BAZ1B: variants seen among roughly 807,000 people sequenced by gnomAD.
The protein encoded by BAZ1B is tyrosine-protein kinase BAZ1B.
In BAZ1B, 22 loss-of-function variants were observed where a neutral mutation model predicts 153.8. The ratio of observed to expected loss-of-function variants is 0.14; its 90% CI spans 0.10 to 0.20. The LOEUF is 0.20. Ranked by LOEUF, BAZ1B falls within the 10% of genes least tolerant of loss-of-function variation. The pLI is 1.00. For synonymous variants in BAZ1B, 676 were observed against 633.4 expected, an observed-to-expected ratio of 1.07 and a Z score of -1.01; for missense variants, 1,325 against 1,799.3, an observed-to-expected ratio of 0.74 and a Z score of 4.77.
chr7:73,492,537 T>G (rs550315035), intron 5 of BAZ1B, among the ~76,000 whole-genome samples: 1 of 152,322 alleles, frequency 6.6e-6, no homozygotes, highest in South Asian at 2.1e-4. Flanking sequence ...TTCTTAATTT[T>G]CAAACTGAAT....
At chr7:73,508,053 G>A (rs1214199705) in intron 3 of BAZ1B, among the ~76,000 whole-genome samples, 1 of 152,106 alleles carries the variant, frequency 6.6e-6, no homozygotes, top group Non-Finnish European at 1.5e-5. Context: ...CTACTCAGAA[G>A]GCTGAGGTGG....
intron 6 of BAZ1B, among the ~76,000 whole-genome samples, chr7:73,485,167 C>T (rs1377144807): frequency 6.6e-6 from 1 of 152,020 alleles, no homozygotes; most frequent in African/African-American, 2.4e-5. Context: ...CTCCTGGACT[C>T]AAGTGATCCT....
chr7:73,446,976 C>T (rs1787861152), intron 16 of BAZ1B, among the ~76,000 whole-genome samples: 1 of 152,252 alleles, frequency 6.6e-6, no homozygotes, highest in African/African-American at 2.4e-5. Context: ...AGCTGAGAAT[C>T]AGCAGCCTTG....
chr7:73,473,863 G>A (rs1161368613), intron 7 of BAZ1B, among the ~76,000 whole-genome samples: 1 of 152,148 alleles, frequency 6.6e-6, no homozygotes, highest in African/African-American at 2.4e-5. Context: ...TGCTCGGGAG[G>A]CCGAAGTGGG....
chr7:73,516,951 C>A lies in BAZ1B; in HGVS notation c.107+4876G>T, dbSNP rs561914704. On this transcript the variant is annotated intron_variant, in intron 1 of 19. Transcript: ENST00000339594. ...ATCCCAGCACTTTGGGAGGCTGAGGCCGGTGGATCAACTTGAGGTCAGGAG... is the reference window on the plus strand; with the variant it reads ...ATCCCAGCACTTTGGGAGGCTGAGGACGGTGGATCAACTTGAGGTCAGGAG... 7.9e-5 allele frequency among the ~76,000 whole-genome samples: 12 copies of A among 151,852 alleles called. No individual in the cohort carries two copies. In the East Asian group the frequency reaches 2.3e-3, roughly 30 times the overall value.
intron 17 of BAZ1B, among the ~76,000 whole-genome samples, chr7:73,443,212 A>G (rs932741510): frequency 6.6e-6 from 1 of 152,250 alleles, no homozygotes; most frequent in Non-Finnish European, 1.5e-5. Flanking sequence ...GCCACTGCAG[A>G]AAGCAAAACA....
At chr7:73,483,544 C>T (rs967603875) in intron 6 of BAZ1B, among the ~76,000 whole-genome samples, 1 of 152,102 alleles carries the variant, frequency 6.6e-6, no homozygotes. Context: ...AATAATATAA[C>T]TTACTTTTCA....
intron 6 of BAZ1B, among the ~76,000 whole-genome samples, chr7:73,485,084 G>C (rs1173453142): frequency 1.3e-5 from 2 of 152,044 alleles, no homozygotes; most frequent in East Asian, 3.9e-4. Context: ...AGTTACGTTG[G>C]AAAATATCCT....
chr7:73,497,824 TTTGCTC>T (rs1268409722), intron 4 of BAZ1B, among the ~76,000 whole-genome samples: 1 of 152,174 alleles, frequency 6.6e-6, no homozygotes, highest in Non-Finnish European at 1.5e-5. Flanking sequence ...AGGGTTAGAA[TTTGCTC>T]TTCCTACCTT....
At chr7:73,444,803 T>C (rs1554566038) in intron 16 of BAZ1B, among the ~76,000 whole-genome samples, 116 of 151,822 alleles carry the variant, frequency 7.6e-4, no homozygotes, top group African/African-American at 2.7e-3. Flanking sequence ...TCACCTGAGG[T>C]CGGGAGTTCA....
chr7:73,498,544 T>G lies in BAZ1B; in HGVS notation c.524A>C (p.Lys175Thr). Residue 175 changes from lysine (K) to threonine (T), a missense_variant, in exon 4 of 20, where the codon AAG becomes ACG. By Grantham distance (78) the Lys-to-Thr change is moderately conservative. Transcript: ENST00000339594. ...ATCCTCTTTCACAACTGTCTCCTTC[T>G]TCTGATGGTCCTGAGCAATCTGACT... ...NSSQIAQDHQ[K>T]KETVVKEDEG... The G allele has an allele frequency of 6.2e-7, 1 of 1,614,128 alleles. No individual in the cohort carries two copies. Among genetic ancestry groups the G allele is most frequent in the Non-Finnish European group, 8.5e-7 (1 of 1,180,006 alleles).
At chr7:73,443,880 AG>A (rs1554565669) in intron 17 of BAZ1B, 103 bp downstream of exon 17, 13 of 1,546,568 alleles carry the variant, frequency 8.4e-6, no homozygotes, top group Middle Eastern at 2.0e-4. Flanking sequence ...AAGAAGGAGG[AG>A]GGGGGAGGCT....
rs1276983280 is a variant in BAZ1B at position 73,470,559 on chromosome 7, G to A, written c.2594-76C>T. The A allele has an allele frequency of 5.9e-6, 9 of 1,528,482 alleles. No individual in the cohort carries two copies. The African/African-American group carries it at 1.1e-4, about 19-fold the overall frequency. 94.7% of individuals were successfully genotyped at this position (1,528,482 alleles called of 1,614,324 possible). A position where few individuals can be genotyped will look rare whatever the true frequency, so the allele number is the denominator to read the frequency against. ...TCTTACAAATTAAATAAAATATGGAGTAAAAAGTGCCTAGTATACAGTAGT... is the reference window on the plus strand; with the variant it reads ...TCTTACAAATTAAATAAAATATGGAATAAAAAGTGCCTAGTATACAGTAGT... On this transcript the variant is annotated intron_variant, in intron 7 of 19. Transcript: ENST00000339594.
chr7:73,443,111 C>A (rs924609090), intron 17 of BAZ1B, among the ~76,000 whole-genome samples: 1 of 152,148 alleles, frequency 6.6e-6, no homozygotes, highest in South Asian at 2.1e-4. Context: ...TGCTGGAGGT[C>A]GGCTGAAGGG....
At chr7:73,507,363 C>G (rs1314276368) in intron 3 of BAZ1B, 1 of 152,064 alleles carries the variant, frequency 6.6e-6, no homozygotes, top group Non-Finnish European at 1.5e-5. Flanking sequence ...GCTGGGGCAA[C>G]ATGGTGAAAT....
At chr7:73,502,822 G>A (rs1790189159) in intron 3 of BAZ1B, among the ~76,000 whole-genome samples, 1 of 152,062 alleles carries the variant, frequency 6.6e-6, no homozygotes, top group Non-Finnish European at 1.5e-5. Flanking sequence ...CTCCCAGTAA[G>A]CCTACGCACA....
At chr7:73,444,652 C>A (rs889960794) in intron 16 of BAZ1B, among the ~76,000 whole-genome samples, 2 of 152,214 alleles carry the variant, frequency 1.3e-5, no homozygotes, top group African/African-American at 4.8e-5. Flanking sequence ...GGCCACAAGG[C>A]TCCTCATTAA....
chr7:73,477,239 G>T lies in BAZ1B; in HGVS notation c.2222C>A (p.Thr741Lys). Residue 741 changes from threonine to lysine, a missense_variant, in exon 7 of 20, where the codon ACG becomes AAG. By Grantham distance (78) the Thr-to-Lys change is moderately conservative (BLOSUM62 -1). Coordinates refer to ENST00000339594, the MANE Select transcript of BAZ1B (RefSeq NM_032408.4). The surrounding 1 kb of genome is among the most constrained non-coding windows in gnomAD (Gnocchi z 5.6). The stretch of plus-strand genomic sequence containing the variant: ...CAAGATCTGTAGCTTCTCCTCTGAC[G>T]TCAGCTCAAAAAATTCAGAGGTCTC... ...KLETSEFFEL[T>K]SEEKLQILTA... The T allele has an allele frequency of 6.2e-7, 1 of 1,614,194 alleles. No homozygotes were observed. The highest frequency in any genetic ancestry group is 8.5e-7 in the Non-Finnish European group (1 of 1,180,044).
intron 16 of BAZ1B, among the ~76,000 whole-genome samples, chr7:73,444,946 G>T (rs1421702701): frequency 2.6e-5 from 4 of 152,010 alleles, no homozygotes; most frequent in Non-Finnish European, 2.9e-5. Context: ...CCTGGGAGGC[G>T]GAGGTTGCAG....
Sources: allele counts gnomAD v4.1 joint callset (sites outside exome capture counted in the v4.1 genomes callset), GRCh38; gene constraint gnomAD v4.1.1; non-coding constraint Gnocchi (gnomAD v3.1); transcripts MANE v1.5; gene names NCBI Gene and HGNC (gene_info 2026-07-23, HGNC 2026-07-21).